Variants in RBM47 observed in about 807,000 individuals in gnomAD.
The protein encoded by RBM47 is RNA-binding protein 47.
A neutral mutation model predicts 47.1 loss-of-function variants in RBM47; 21 were observed. The observed-to-expected ratio is 0.45, with a 90% CI of 0.32 to 0.64. The LOEUF (loss-of-function observed/expected upper bound fraction) is 0.64. RBM47 is among the 30% of genes least tolerant of loss of function. The pLI is 0.05. For missense variants in RBM47, 708 were observed against 870.9 expected (o/e 0.81, Z 2.35); for synonymous variants, 375 against 361.7 (o/e 1.04, Z -0.42).
intron 2 of RBM47, among the ~76,000 whole-genome samples, chr4:40,523,126 T>C (rs1483006098): frequency 2.6e-5 from 4 of 151,898 alleles, no homozygotes; most frequent in African/African-American, 9.7e-5. Flanking sequence ...CCACTATGCC[T>C]GGCTAATTTT....
At chr4:40,519,355 T>C (rs983754407) in intron 2 of RBM47, among the ~76,000 whole-genome samples, 1 of 143,438 alleles carries the variant, frequency 7.0e-6, no homozygotes, top group Non-Finnish European at 1.5e-5. Context: ...TGGAGTGCAA[T>C]GGAACGATCT....
chr4:40,532,581 G>A (rs1727510232), intron 2 of RBM47, among the ~76,000 whole-genome samples: 1 of 151,828 alleles, frequency 6.6e-6, no homozygotes, highest in Non-Finnish European at 1.5e-5. Context: ...AAAGTGCTGG[G>A]ATTACAGGCG....
At chr4:40,575,493 G>A (rs753703938) in intron 1 of RBM47, among the ~76,000 whole-genome samples, 3 of 145,074 alleles carry the variant, frequency 2.1e-5, no homozygotes, top group South Asian at 2.2e-4. Flanking sequence ...CAGCGGTTGC[G>A]GTGAGTCGAG....
At chr4:40,486,051 C>T (rs1207274605) in intron 2 of RBM47, among the ~76,000 whole-genome samples, 1 of 88,698 alleles carries the variant, frequency 1.1e-5, no homozygotes, top group East Asian at 3.3e-4. Flanking sequence ...GCTTGGACAA[C>T]AGAGCAAAAC....
At chr4:40,442,576 T>C (rs1360791340) in intron 3 of RBM47, among the ~76,000 whole-genome samples, 2 of 152,214 alleles carry the variant, frequency 1.3e-5, no homozygotes, top group African/African-American at 4.8e-5. Context: ...ACAGCAACAG[T>C]ATTTACAGTT....
At chr4:40,555,377 T>C (rs1020082762) in intron 1 of RBM47, among the ~76,000 whole-genome samples, 1 of 152,228 alleles carries the variant, frequency 6.6e-6, no homozygotes, top group East Asian at 1.9e-4. Flanking sequence ...CCTGACTTTC[T>C]AGTTTCTAAT....
At chr4:40,444,194 G>C (rs1714147665) in intron 3 of RBM47, among the ~76,000 whole-genome samples, 1 of 152,130 alleles carries the variant, frequency 6.6e-6, no homozygotes. Context: ...GTGAGAACCT[G>C]TCTCAAAAAC....
At chr4:40,541,777 G>T (rs1728570588) in intron 2 of RBM47, among the ~76,000 whole-genome samples, 1 of 152,022 alleles carries the variant, frequency 6.6e-6, no homozygotes, top group Non-Finnish European at 1.5e-5. Flanking sequence ...TGTCAACACA[G>T]AGCACTAAGG....
chr4:40,475,082 G>A (rs943484780), intron 2 of RBM47, among the ~76,000 whole-genome samples: 8 of 151,994 alleles, frequency 5.3e-5, no homozygotes, highest in Non-Finnish European at 1.5e-5. Flanking sequence ...TGAAACTAAT[G>A]TTAATACTTT....
intron 1 of RBM47, among the ~76,000 whole-genome samples, chr4:40,624,144 C>A (rs1054363716): frequency 6.6e-6 from 1 of 152,144 alleles, no homozygotes; most frequent in Non-Finnish European, 1.5e-5. Context: ...AGTGACCAAG[C>A]CTGGCCCAGA....
chr4:40,602,885 C>T (rs1308362121), intron 1 of RBM47, among the ~76,000 whole-genome samples: 1 of 151,784 alleles, frequency 6.6e-6, no homozygotes, highest in African/African-American at 2.4e-5. Flanking sequence ...AGAAAATTCA[C>T]AAGTTAAGAG....
At chr4:40,478,600 T>C (rs1237276119) in intron 2 of RBM47, among the ~76,000 whole-genome samples, 4 of 152,212 alleles carry the variant, frequency 2.6e-5, no homozygotes, top group Admixed American at 1.3e-4. Flanking sequence ...CTATTTCAGA[T>C]AGGATCTATT....
intron 1 of RBM47, among the ~76,000 whole-genome samples, chr4:40,626,990 T>C (rs181448916): frequency 1.4e-3 from 213 of 152,344 alleles, no homozygotes; most frequent in Admixed American, 2.1e-3. Context: ...GCATTGCTAT[T>C]ATTGAAAATC....
chr4:40,479,922 T>C (rs1007050751), intron 2 of RBM47, among the ~76,000 whole-genome samples: 2 of 151,670 alleles, frequency 1.3e-5, no homozygotes, highest in Non-Finnish European at 2.9e-5. Flanking sequence ...TTCGCATATA[T>C]TAACACAGGC....
chr4:40,559,210 A>G (rs1310882908), intron 1 of RBM47, among the ~76,000 whole-genome samples: 1 of 152,232 alleles, frequency 6.6e-6, no homozygotes, highest in Non-Finnish European at 1.5e-5. Flanking sequence ...AGTTTGGATT[A>G]TATGGAAAAG....
chr4:40,523,909 T>C (rs1400110031), intron 2 of RBM47, among the ~76,000 whole-genome samples: 1 of 151,842 alleles, frequency 6.6e-6, no homozygotes, highest in African/African-American at 2.4e-5. Context: ...AACAGGGTTG[T>C]CTGATTTCGC....
chr4:40,520,231 G>A (rs1187677523), intron 2 of RBM47, among the ~76,000 whole-genome samples: 4 of 152,170 alleles, frequency 2.6e-5, no homozygotes, highest in East Asian at 1.9e-4. Context: ...GCTGCTCAGA[G>A]ACTAAATTAT....
chr4:40,532,427 C>T (rs1727491896), intron 2 of RBM47, among the ~76,000 whole-genome samples: 1 of 151,192 alleles, frequency 6.6e-6, no homozygotes, highest in Admixed American at 6.6e-5. Flanking sequence ...ATTCCCCTGC[C>T]TCAGCCTCCC....
At chr4:40,560,997 T>G (rs1277628900) in intron 1 of RBM47, among the ~76,000 whole-genome samples, 1 of 151,756 alleles carries the variant, frequency 6.6e-6, no homozygotes, top group East Asian at 1.9e-4. Context: ...TGCTATTCCC[T>G]TTTCTCTCAC....
Sources: allele counts gnomAD v4.1 joint callset (sites outside exome capture counted in the v4.1 genomes callset), GRCh38; gene constraint gnomAD v4.1.1; transcripts MANE v1.5; gene names NCBI Gene and HGNC (gene_info 2026-07-23, HGNC 2026-07-21).